Variants in UGT1A7 observed in about 807,000 individuals in gnomAD.
The protein encoded by UGT1A7 is UDP glucuronosyltransferase family 1 member A7.
A neutral mutation model predicts 45.6 loss-of-function variants in UGT1A7; 33 were observed. That is an observed-to-expected ratio of 0.72 (90% CI 0.55 to 0.97). The LOEUF (loss-of-function observed/expected upper bound fraction) is 0.97. UGT1A7 is among the 50% of genes least tolerant of loss of function. The pLI is 0.00. For missense variants in UGT1A7, 684 were observed against 666.2 expected (o/e 1.03, Z -0.29); for synonymous variants, 274 against 250.6 (o/e 1.09, Z -0.88).
chr2:233,708,027 G>A (rs749696911), intron 1 of UGT1A7, among the ~76,000 whole-genome samples: 9 of 151,878 alleles, frequency 5.9e-5, no homozygotes, highest in South Asian at 4.2e-4. Flanking sequence ...TAGTTCTTTG[G>A]CAGTTATAGA....
chr2:233,743,649 C>T (rs754713764), intron 1 of UGT1A7: 21 of 1,367,286 alleles, frequency 1.5e-5, no homozygotes, highest in Non-Finnish European at 1.9e-5. Context: ...AAGCTGAAGA[C>T]GTACTCGAAG....
At chr2:233,709,236 C>T (rs1559356287) in intron 1 of UGT1A7, among the ~76,000 whole-genome samples, 1 of 152,028 alleles carries the variant, frequency 6.6e-6, no homozygotes, top group Non-Finnish European at 1.5e-5. Flanking sequence ...GAGGGGTGGC[C>T]GCTGGGATGA....
chr2:233,688,641 G>A (rs941155352), intron 1 of UGT1A7, among the ~76,000 whole-genome samples: 2 of 152,082 alleles, frequency 1.3e-5, no homozygotes, highest in Admixed American at 1.3e-4. Context: ...GTTTTTGTTG[G>A]TGTTACAGAA....
intron 1 of UGT1A7, chr2:233,692,360 A>G (rs2125551379): frequency 6.4e-6 from 1 of 155,082 alleles, no homozygotes; most frequent in South Asian, 2.0e-4. Context: ...TCTGTGAGCC[A>G]TTCTAGCAAA....
At chr2:233,764,706 G>C (rs1698626413) in intron 1 of UGT1A7, among the ~76,000 whole-genome samples, 1 of 152,180 alleles carries the variant, frequency 6.6e-6, no homozygotes, top group Non-Finnish European at 1.5e-5. Context: ...AATGAGCTGT[G>C]TCTCCCCAAG....
chr2:233,733,255 C>T (rs2078373056), intron 1 of UGT1A7, among the ~76,000 whole-genome samples: 1 of 152,174 alleles, frequency 6.6e-6, no homozygotes, highest in African/African-American at 2.4e-5. Context: ...CATCTGCAAA[C>T]AGGGACTATT....
intron 1 of UGT1A7, among the ~76,000 whole-genome samples, chr2:233,716,830 C>G (rs1426652870): frequency 6.6e-6 from 1 of 152,152 alleles, no homozygotes; most frequent in African/African-American, 2.4e-5. Flanking sequence ...CTCACTGACA[C>G]CCATGGCTTC....
intron 1 of UGT1A7, chr2:233,743,541 ACC>A (rs544018510): frequency 1.5e-6 from 2 of 1,366,832 alleles, no homozygotes; most frequent in Non-Finnish European, 2.0e-6. Context: ...AGTTCCTCTG[ACC>A]CCCCCAAAAT....
Position 233,725,768 on chromosome 2 carries a change from T to C in UGT1A7, c.856-41266T>C, listed in dbSNP as rs1448370166. Among the ~76,000 whole-genome samples, 5 of 152,306 alleles carry C rather than the reference T, an allele frequency of 3.3e-5. No individual in the cohort carries two copies. The South Asian group carries it at 1.0e-3, about 32-fold the overall frequency. ...GTAAGAGACTTACATTTTCTTCACATAGTTTGTTGTTATCATTAAATAATA... is the reference window on the plus strand; with the variant it reads ...GTAAGAGACTTACATTTTCTTCACACAGTTTGTTGTTATCATTAAATAATA... On this transcript the variant is annotated intron_variant, in intron 1 of 4. Coordinates refer to ENST00000373426, the MANE Select transcript of UGT1A7 (RefSeq NM_019077.3).
intron 1 of UGT1A7, among the ~76,000 whole-genome samples, chr2:233,765,606 C>T (rs4663971): frequency 1.3e-5 from 2 of 151,332 alleles, no homozygotes; most frequent in Non-Finnish European, 1.5e-5. Context: ...GGGCTTGTGG[C>T]GGGGTGAGGG....
At chr2:233,722,627 C>T (rs571426683) in intron 1 of UGT1A7, among the ~76,000 whole-genome samples, 9 of 152,238 alleles carry the variant, frequency 5.9e-5, no homozygotes, top group African/African-American at 2.2e-4. Flanking sequence ...CTTAATGAAG[C>T]ATTGAGGGCT....
intron 1 of UGT1A7, among the ~76,000 whole-genome samples, chr2:233,737,027 C>T (rs2078835915): frequency 6.6e-6 from 1 of 152,230 alleles, no homozygotes; most frequent in South Asian, 2.1e-4. Flanking sequence ...TCTGTCCATT[C>T]TCAGAGCTCA....
rs532529523 is a variant in UGT1A7 at position 233,747,113 on chromosome 2, A to T, written c.856-19921A>T. 13 of 1,433,550 alleles carry T rather than the reference A, an allele frequency of 9.1e-6. No homozygotes were observed. The African/African-American group carries it at 1.3e-4, about 14-fold the overall frequency. 88.8% of individuals were successfully genotyped at this position (1,433,550 alleles called of 1,614,324 possible). ...CACTCTATCTTCCAATTACATGATGATTTGCTAAGTGGCTCAGTGACAAGG... is the reference window on the plus strand; with the variant it reads ...CACTCTATCTTCCAATTACATGATGTTTTGCTAAGTGGCTCAGTGACAAGG... On this transcript the variant is annotated intron_variant, in intron 1 of 4. Coordinates refer to ENST00000373426, the MANE Select transcript of UGT1A7 (RefSeq NM_019077.3).
chr2:233,725,058 G>A (rs1228937957), intron 1 of UGT1A7, among the ~76,000 whole-genome samples: 11 of 147,492 alleles, frequency 7.5e-5, no homozygotes, highest in East Asian at 4.2e-4. Flanking sequence ...GTGGCGGCGC[G>A]CGCCTGCAAT....
intron 1 of UGT1A7, among the ~76,000 whole-genome samples, chr2:233,719,879 C>A (rs573880021): frequency 1.3e-5 from 2 of 152,076 alleles, no homozygotes; most frequent in Non-Finnish European, 2.9e-5. Flanking sequence ...AGAAGAGGCA[C>A]GGATGAGGGT....
At position 233,752,253 on chromosome 2, in the gene UGT1A7, G is replaced by A. The variant is rs182159000; in HGVS notation, c.856-14781G>A. ...TTGGTTTTTTGGACCCTACTGTGAT[G>A]GTCACAGGACTCCAGGTCTCTTGGG... On this transcript the variant is annotated intron_variant, in intron 1 of 4. Coordinates refer to ENST00000373426, the MANE Select transcript of UGT1A7 (RefSeq NM_019077.3). 1.2e-3 allele frequency: 184 copies of A among 152,284 alleles called. 1 individual carries two copies. Among genetic ancestry groups the A allele is most frequent in the African/African-American group, 4.2e-3 (173 of 41,564 alleles). 9.4% of individuals were successfully genotyped at this position (152,284 alleles called of 1,614,324 possible).
intron 1 of UGT1A7, among the ~76,000 whole-genome samples, chr2:233,721,151 A>C (rs2076923692): frequency 6.6e-6 from 1 of 152,178 alleles, no homozygotes. Context: ...TGCAAAGGAC[A>C]CTAAACTTTA....
intron 1 of UGT1A7, among the ~76,000 whole-genome samples, chr2:233,724,217 A>G (rs1313805950): frequency 3.1e-4 from 30 of 97,836 alleles, no homozygotes; most frequent in Admixed American, 7.0e-4. Context: ...GGGGCTCCTC[A>G]CTTCCCAGTA....
chr2:233,717,714 T>G, intron 1 of UGT1A7: 2 of 453,348 alleles, frequency 4.4e-6, no homozygotes, highest in South Asian at 1.6e-5. Flanking sequence ...ACGAGCCTCA[T>G]GGGCATGAGA....
Sources: allele counts gnomAD v4.1 joint callset (sites outside exome capture counted in the v4.1 genomes callset), GRCh38; gene constraint gnomAD v4.1.1; transcripts MANE v1.5; gene names NCBI Gene and HGNC (gene_info 2026-07-23, HGNC 2026-07-21).